The following TMC3 variants were observed in gnomAD, a reference collection of about 807,000 sequenced individuals.
TMC3 encodes transmembrane channel like 3.
TMC3 carries 98 observed loss-of-function variants against 110.6 expected under a neutral mutation model. That is an observed-to-expected ratio of 0.89 (90% CI 0.75 to 1.05). TMC3 has a LOEUF of 1.05. TMC3 is among the 50% of genes least tolerant of loss of function. The pLI is 0.00. For missense variants in TMC3, 1,319 were observed against 1,373.2 expected (o/e 0.96, Z 0.62); for synonymous variants, 489 against 513.1 (o/e 0.95, Z 0.63).
At chr15:81,361,958 C>T in intron 4 of TMC3, 1 of 294,490 alleles carries the variant, frequency 3.4e-6, no homozygotes, top group Non-Finnish European at 6.5e-6. Context: ...TTATATCTGA[C>T]TGAAGGAATG....
chr15:81,359,257 C>G (rs1034146735), intron 5 of TMC3, 108 bp downstream of exon 5: 1 of 848,710 alleles, frequency 1.2e-6, no homozygotes, highest in Non-Finnish European at 1.8e-6. Flanking sequence ...CTGCTTTACA[C>G]AAACACATAT....
rs1893755172 is a variant in TMC3, at chr15:81,343,395, C to T, written c.1648-50G>A. 3 of 1,280,072 alleles carry T rather than the reference C, an allele frequency of 2.3e-6. No homozygotes were observed. In the African/African-American group the frequency reaches 4.4e-5, roughly 19 times the overall value. The allele number at this position is 1,280,072 out of a possible 1,614,324, so 79.3% of individuals were successfully genotyped here. On this transcript the variant is annotated intron_variant, in intron 14 of 21. Coordinates refer to ENST00000359440, the MANE Select transcript of TMC3 (RefSeq NM_001080532.3). ...ATTAAACAAGTTCCAAAGTTCTTTG[C>T]ATGAACCAATTAATTACAGACACCT...
chr15:81,342,934 C>T (rs116490920), intron 15 of TMC3: 3,271 of 202,638 alleles, frequency 0.016, 112 homozygotes, highest in African/African-American at 0.07. Flanking sequence ...TGGCCAAGGT[C>T]CCCCGCAGCC....
intron 9 of TMC3, among the ~76,000 whole-genome samples, chr15:81,353,248 C>A (rs1461481047): frequency 6.6e-6 from 1 of 151,382 alleles, no homozygotes; most frequent in African/African-American, 2.4e-5. Context: ...TTAAGTATTA[C>A]AAGAGTCAAA....
At chr15:81,366,705 A>G (rs1181874739) in intron 3 of TMC3, among the ~76,000 whole-genome samples, 1 of 152,230 alleles carries the variant, frequency 6.6e-6, no homozygotes, top group East Asian at 1.9e-4. Context: ...AGGAATAAGG[A>G]GTCATGGATG....
At chr15:81,351,037 G>A (rs1893935364) in intron 10 of TMC3, among the ~76,000 whole-genome samples, 1 of 152,204 alleles carries the variant, frequency 6.6e-6, no homozygotes, top group Non-Finnish European at 1.5e-5. Context: ...TATGGAATAA[G>A]TGTAGTTGTT....
At position 81,338,654 on chromosome 15, in the gene TMC3, CA is replaced by C. The variant is rs1893647759; in HGVS notation, c.2081del (p.Phe694SerfsTer14). ...CCAAAGCTGGCAGGTGTGGTACTCA[CA>C]AAAGCAGGAGTACTGCGGGCAGGAT... ...VVILPAVLLL[F>X]MLIYYLQSIA... On this transcript the variant is annotated frameshift_variant and splice_region_variant, in exon 18 of 22. Coordinates refer to ENST00000359440, the MANE Select transcript of TMC3 (RefSeq NM_001080532.3). LOFTEE classifies it high-confidence loss of function. The C allele has an allele frequency of 6.2e-7, 1 of 1,613,774 alleles. No homozygotes were observed. The highest frequency in any genetic ancestry group is 1.3e-5 in the African/African-American group (1 of 74,932).
intron 7 of TMC3, among the ~76,000 whole-genome samples, chr15:81,357,158 C>G (rs570281154): frequency 4.6e-5 from 7 of 152,238 alleles, no homozygotes; most frequent in African/African-American, 1.7e-4. Context: ...TTGCTCTAAT[C>G]TGTCTCTTAC....
intron 3 of TMC3, among the ~76,000 whole-genome samples, chr15:81,365,314 C>T (rs1481109578): frequency 6.6e-6 from 1 of 152,256 alleles, no homozygotes; most frequent in Non-Finnish European, 1.5e-5. Context: ...CTTGTCTGCT[C>T]ACTGTATGCT....
chr15:81,337,989 T>G, intron 18 of TMC3, 65 bp from the exon 19 acceptor site: 1 of 1,284,380 alleles, frequency 7.8e-7, no homozygotes, highest in Non-Finnish European at 1.1e-6. Context: ...TCAGACCACA[T>G]TCCCTGCAGA....
At chr15:81,363,250 C>CA (rs61360425) in intron 3 of TMC3, among the ~76,000 whole-genome samples, 2,009 of 125,122 alleles carry the variant, frequency 0.016, 17 homozygotes, top group Non-Finnish European at 0.025. Context: ...GACTCCGTCT[C>CA]AAAAAAAAAA....
At chr15:81,360,265 C>T (rs960470245) in intron 4 of TMC3, among the ~76,000 whole-genome samples, 3 of 152,108 alleles carry the variant, frequency 2.0e-5, no homozygotes, top group Non-Finnish European at 4.4e-5. Flanking sequence ...TTTAGTGTAA[C>T]CCTCCACAAT....
At position 81,333,318 on chromosome 15, in the gene TMC3, C is replaced by T. The variant is rs143886326; in HGVS notation, c.2460-56G>A. On this transcript the variant is annotated intron_variant, in intron 21 of 21. Coordinates refer to ENST00000359440, the MANE Select transcript of TMC3 (RefSeq NM_001080532.3). Reference sequence around the variant, plus strand: ...GCCTTGGTGGTCTCAGAGCCCCACACCTGAGGACTGTGAGCTGTGAGCAGT... The same window carrying T: ...GCCTTGGTGGTCTCAGAGCCCCACATCTGAGGACTGTGAGCTGTGAGCAGT... 51 of 1,545,670 alleles carry T rather than the reference C, an allele frequency of 3.3e-5. No individual in the cohort carries two copies. In the East Asian group the frequency reaches 4.9e-4, roughly 15 times the overall value.
intron 2 of TMC3, among the ~76,000 whole-genome samples, chr15:81,372,348 TGACACACA>T (rs753958227): frequency 2.7e-5 from 2 of 74,894 alleles, no homozygotes; most frequent in Non-Finnish European, 6.0e-5. Context: ...TCTGTCTCTC[TGACACACA>T]CACACACACA....
At chr15:81,340,228 C>CTG (rs1893685405) in intron 16 of TMC3, among the ~76,000 whole-genome samples, 1 of 63,912 alleles carries the variant, frequency 1.6e-5, no homozygotes, top group Admixed American at 1.6e-4. Context: ...GTCTCTGTCT[C>CTG]TCTCTCTCTC....
intron 4 of TMC3, among the ~76,000 whole-genome samples, chr15:81,360,797 G>A (rs1567068436): frequency 1.3e-5 from 2 of 152,058 alleles, no homozygotes; most frequent in South Asian, 2.1e-4. Flanking sequence ...GTGAGTGGGC[G>A]ATTGGGGTGA....
At chr15:81,336,974 GTA>G (rs1344940248) in intron 19 of TMC3, among the ~76,000 whole-genome samples, 2 of 152,026 alleles carry the variant, frequency 1.3e-5, no homozygotes, top group Non-Finnish European at 2.9e-5. Context: ...CACTGGAGAT[GTA>G]TGTTTCCACC....
At chr15:81,343,074 A>T in intron 15 of TMC3, 2 of 504,876 alleles carry the variant, frequency 4.0e-6, no homozygotes, top group South Asian at 6.6e-5. Flanking sequence ...TTAAACATGG[A>T]TTATTTTCTT....
At chr15:81,366,873 A>AT (rs1161902508) in intron 3 of TMC3, among the ~76,000 whole-genome samples, 1 of 152,172 alleles carries the variant, frequency 6.6e-6, no homozygotes, top group Non-Finnish European at 1.5e-5. Flanking sequence ...TATTAAGAAT[A>AT]TTTTTGTTTC....
Sources: allele counts gnomAD v4.1 joint callset (sites outside exome capture counted in the v4.1 genomes callset), GRCh38; gene constraint gnomAD v4.1.1; transcripts MANE v1.5; gene names NCBI Gene and HGNC (gene_info 2026-07-23, HGNC 2026-07-21).